OR51E2: variants seen among roughly 807,000 people sequenced by gnomAD.
The protein encoded by OR51E2 is olfactory receptor family 51 subfamily E member 2.
A neutral mutation model predicts 13.7 loss-of-function variants in OR51E2; 14 were observed. The observed-to-expected ratio is 1.02, with a 90% CI of 0.68 to 1.60. OR51E2 has a LOEUF of 1.60. OR51E2 is among the 40% of genes most tolerant of loss of function. OR51E2 has a pLI of 0.00. For missense variants in OR51E2, 483 were observed against 413.8 expected (o/e 1.17, Z -1.45); for synonymous variants, 180 against 157.6 (o/e 1.14, Z -1.07).
Position 4,696,041 on chromosome 11 carries a change from G to T in OR51E2, c.-51+1612C>A, listed in dbSNP as rs76343405. ...TCTTTAACGCTGTGGCAAAGTTTCT[G>T]GTTTTAAGCGTAAAGGTAGTAATGA... On this transcript the variant is annotated intron_variant, in intron 1 of 1. Coordinates refer to ENST00000396950, the MANE Select transcript of OR51E2 (RefSeq NM_030774.4). Among the ~76,000 whole-genome samples, 114 of 152,214 alleles carry T rather than the reference G, an allele frequency of 7.5e-4. No individual in the cohort carries two copies. In the East Asian group the frequency reaches 0.018, roughly 24 times the overall value.
chr11:4,681,761 C>A lies in OR51E2; in HGVS notation c.951G>T (p.Val317=). Residue 317 remains valine, a synonymous_variant, in exon 2 of 2, where the codon GTG becomes GTT. Coordinates refer to ENST00000396950, the MANE Select transcript of OR51E2 (RefSeq NM_030774.4). ...KISCDKDLQA[V]GGK The stretch of plus-strand genomic sequence containing the variant: ...GTAGTGTTAAGGGTCACTTGCCTCC[C>A]ACAGCCTGCAAGTCCTTGTCACAGC... The A allele has an allele frequency of 6.2e-7, 1 of 1,613,838 alleles. No individual in the cohort carries two copies. Among genetic ancestry groups the A allele is most frequent in the Non-Finnish European group, 8.5e-7 (1 of 1,179,748 alleles).
chr11:4,689,710 A>G lies in OR51E2; in HGVS notation c.-50-6949T>C, dbSNP rs57321531. Among the ~76,000 whole-genome samples the G allele has an allele frequency of 5.6e-3, 850 of 152,302 alleles. 8 individuals carry two copies. The highest frequency in any genetic ancestry group is 0.02 in the African/African-American group (813 of 41,568). On this transcript the variant is annotated intron_variant, in intron 1 of 1. Transcript: ENST00000396950. ...TTTAAAAATTCATAAGTAAATGACC[A>G]TAATTCATTTGTAGTCACTTTCCAT...
chr11:4,685,873 A>G (rs554674294), intron 1 of OR51E2: 48 of 152,314 alleles, frequency 3.2e-4, no homozygotes, highest in African/African-American at 1.2e-3. Flanking sequence ...CATACCCAGC[A>G]GGGTTACCTT....
chr11:4,692,207 A>C (rs914802029), intron 1 of OR51E2: 3 of 448,938 alleles, frequency 6.7e-6, no homozygotes, highest in African/African-American at 2.0e-5. Flanking sequence ...TTGGGAAGCC[A>C]GAAAATATGA....
Position 4,680,500 on chromosome 11 carries a change from C to T in OR51E2, c.*1249G>A, listed in dbSNP as rs1847437514. 6.6e-6 allele frequency: 1 copy of T among 152,634 alleles called. No homozygotes were observed. Among genetic ancestry groups the T allele is most frequent in the South Asian group, 2.1e-4 (1 of 4,828 alleles). 9.5% of individuals were successfully genotyped at this position (152,634 alleles called of 1,614,324 possible). On this transcript the variant is annotated 3_prime_UTR_variant, in exon 2 of 2. Transcript: ENST00000396950. ...TTTGTACAGCTGAGGAAATAAATGG[C>T]AGATGTTACACAGGAAGCAATATAA...
intron 1 of OR51E2, among the ~76,000 whole-genome samples, chr11:4,682,973 T>G (rs1044507146): frequency 2.6e-5 from 4 of 152,246 alleles, no homozygotes; most frequent in African/African-American, 9.6e-5. Flanking sequence ...AGAGCAATGC[T>G]TTTTCCAAAA....
chr11:4,693,416 C>T (rs1473022391), intron 1 of OR51E2, among the ~76,000 whole-genome samples: 5 of 152,154 alleles, frequency 3.3e-5, no homozygotes, highest in African/African-American at 7.2e-5. Flanking sequence ...GCTTTCAGAA[C>T]GGCATGTGTA....
chr11:4,690,977 T>C (rs549301565), intron 1 of OR51E2: 13 of 454,508 alleles, frequency 2.9e-5, no homozygotes, highest in South Asian at 9.4e-5. Context: ...GGGAGACACA[T>C]GTACTGAAGG....
At chr11:4,686,621 C>T (rs1040430905) in intron 1 of OR51E2, among the ~76,000 whole-genome samples, 2 of 152,164 alleles carry the variant, frequency 1.3e-5, no homozygotes, top group Non-Finnish European at 1.5e-5. Context: ...ATAGCATTTC[C>T]TCATCCTTCA....
chr11:4,682,429 C>A lies in OR51E2; in HGVS notation c.283G>T (p.Ala95Ser). The A allele has an allele frequency of 1.2e-6, 2 of 1,614,120 alleles. No individual in the cohort carries two copies. The highest frequency in any genetic ancestry group is 1.7e-6 in the Non-Finnish European group (2 of 1,180,016). ...WFDSREISFE[A>S]CLTQMFFIHA... is the part of the protein sequence containing the mutation. ...ATAAAGAACATCTGGGTAAGACAGG[C>A]CTCAAAGCTAATCTCTCGGGAATCA... Residue 95 changes from alanine to serine, a missense_variant, in exon 2 of 2, where the codon GCC becomes TCC. By Grantham distance (99) the Ala-to-Ser change is moderately conservative (BLOSUM62 1). Coordinates refer to ENST00000396950, the MANE Select transcript of OR51E2 (RefSeq NM_030774.4).
intron 1 of OR51E2, among the ~76,000 whole-genome samples, chr11:4,697,405 A>G (rs1847667666): frequency 2.0e-5 from 3 of 152,242 alleles, no homozygotes. Flanking sequence ...TGTGATAAAT[A>G]TATCAGCACA....
intron 1 of OR51E2, among the ~76,000 whole-genome samples, chr11:4,694,291 C>T (rs2133253185): frequency 6.6e-6 from 1 of 151,270 alleles, no homozygotes; most frequent in Admixed American, 6.6e-5. Context: ...TGTGTTGGGC[C>T]TAGCAAAAAA....
chr11:4,682,372 G>C lies in OR51E2; in HGVS notation c.340C>G (p.Leu114Val), dbSNP rs775000361. The C allele has an allele frequency of 5.0e-6, 8 of 1,614,098 alleles. No individual in the cohort carries two copies. In the East Asian group the frequency reaches 1.8e-4, roughly 36 times the overall value. ...TAACGGTCAAAGGCCATGGCCAGCA[G>C]GATGGTGGATTCAATGGCTGAGAGG... is the stretch of plus-strand genomic sequence containing the variant. ...HALSAIESTI[L>V]LAMAFDRYVA... The change falls in exon 2 of 2, where the codon CTG becomes GTG. Residue 114 changes from leucine (L) to valine (V), a missense_variant. Physicochemically the swap from Leu to Val is conservative, Grantham distance 32 (BLOSUM62 1). Transcript: ENST00000396950.
intron 1 of OR51E2, among the ~76,000 whole-genome samples, chr11:4,690,043 A>G (rs539436676): frequency 6.8e-6 from 1 of 147,970 alleles, no homozygotes; most frequent in African/African-American, 2.4e-5. Flanking sequence ...ATAAGTTCAT[A>G]TAATTTTTAC....
At chr11:4,693,544 A>C (rs963538794) in intron 1 of OR51E2, among the ~76,000 whole-genome samples, 3 of 152,094 alleles carry the variant, frequency 2.0e-5, no homozygotes, top group Non-Finnish European at 4.4e-5. Flanking sequence ...ACATGGTGAA[A>C]CCTCGTCTCT....
rs1016947000 is a variant in OR51E2 at position 4,695,702 on chromosome 11, A to G, written c.-51+1951T>C. Reference sequence around the variant, plus strand: ...ATTTGTTTTTCTCTCCCTCATCTCAACTTTCAGCAATGTTTACCTCCTCCT... The same window carrying G: ...ATTTGTTTTTCTCTCCCTCATCTCAGCTTTCAGCAATGTTTACCTCCTCCT... On this transcript the variant is annotated intron_variant, in intron 1 of 1. Coordinates refer to ENST00000396950, the MANE Select transcript of OR51E2 (RefSeq NM_030774.4). 6.6e-5 allele frequency among the ~76,000 whole-genome samples: 10 copies of G among 151,730 alleles called. No homozygotes were observed. The East Asian group carries it at 1.9e-3, about 29-fold the overall frequency.
chr11:4,690,412 C>T (rs1847562674), intron 1 of OR51E2: 1 of 154,736 alleles, frequency 6.5e-6, no homozygotes, highest in Non-Finnish European at 1.4e-5. Flanking sequence ...TGTAATGTGT[C>T]ATTCTAAAGG....
intron 1 of OR51E2, among the ~76,000 whole-genome samples, chr11:4,685,610 G>C (rs1847505857): frequency 6.6e-6 from 1 of 152,170 alleles, no homozygotes; most frequent in South Asian, 2.1e-4. Context: ...ATTGCTCCTA[G>C]ATTACAGATA....
chr11:4,692,025 ACC>A (rs954095058), intron 1 of OR51E2: 54 of 345,048 alleles, frequency 1.6e-4, no homozygotes, highest in African/African-American at 1.0e-3. Flanking sequence ...TAAACACTTT[ACC>A]CTGAGTTTGC....
Sources: gnomAD v4.1 joint callset for allele counts (sites outside exome capture counted in the v4.1 genomes callset) on GRCh38, gnomAD v4.1.1 for gene constraint, MANE v1.5 for transcripts, NCBI Gene and HGNC (gene_info 2026-07-23, HGNC 2026-07-21) for gene names.